Variants in STIM1 observed in about 807,000 individuals in gnomAD.
STIM1 encodes the protein stromal interaction molecule 1.
In STIM1, 25 loss-of-function variants were observed where a neutral mutation model predicts 74.7. That is an observed-to-expected ratio of 0.33 (90% CI 0.24 to 0.47). The LOEUF (loss-of-function observed/expected upper bound fraction) is 0.47, where lower values mean the gene tolerates loss of function less well. Ranked by LOEUF, STIM1 falls within the 20% of genes least tolerant of loss-of-function variation. STIM1 has a pLI of 1.00. For synonymous variants in STIM1, 328 were observed against 348.8 expected (o/e 0.94, Z 0.66); for missense variants, 728 against 920.8 (o/e 0.79, Z 2.71).
chr11:3,943,487 T>C (rs1286812454), intron 1 of STIM1, among the ~76,000 whole-genome samples: 1 of 152,222 alleles, frequency 6.6e-6, no homozygotes, highest in East Asian at 1.9e-4. Flanking sequence ...CAATAAAGAC[T>C]GTAAGCTGGT....
At chr11:4,013,201 CT>C (rs2093856936) in intron 2 of STIM1, among the ~76,000 whole-genome samples, 1 of 152,208 alleles carries the variant, frequency 6.6e-6, no homozygotes, top group Non-Finnish European at 1.5e-5. Flanking sequence ...TGTTGTGTCT[CT>C]GCCAGGCTTT....
chr11:3,874,552 C>T (rs2091248313), intron 1 of STIM1, among the ~76,000 whole-genome samples: 1 of 152,218 alleles, frequency 6.6e-6, no homozygotes, highest in African/African-American at 2.4e-5. Context: ...AGGTTACTTT[C>T]CTAAGGTAGC....
intron 1 of STIM1, among the ~76,000 whole-genome samples, chr11:3,900,918 C>T (rs1295334734): frequency 6.6e-6 from 1 of 152,142 alleles, no homozygotes; most frequent in Non-Finnish European, 1.5e-5. Context: ...TGGCTAGGCA[C>T]GGTGGCTCAC....
chr11:3,897,783 C>A (rs936192265), intron 1 of STIM1, among the ~76,000 whole-genome samples: 1 of 151,696 alleles, frequency 6.6e-6, no homozygotes, highest in African/African-American at 2.4e-5. Context: ...TTTGTTCTTG[C>A]GATAGTTTAC....
chr11:4,073,347 C>G (rs932937835), intron 6 of STIM1, among the ~76,000 whole-genome samples: 7 of 152,198 alleles, frequency 4.6e-5, no homozygotes, highest in African/African-American at 1.7e-4. Context: ...GCCCAAGTCT[C>G]TCTTTCTTTC....
chr11:3,932,493 T>C (rs2092878227), intron 1 of STIM1, among the ~76,000 whole-genome samples: 1 of 151,612 alleles, frequency 6.6e-6, no homozygotes, highest in Non-Finnish European at 1.5e-5. Context: ...AAGCCCCGTC[T>C]CTATTAAAAT....
chr11:3,998,355 C>A (rs2093681328), intron 2 of STIM1, among the ~76,000 whole-genome samples: 1 of 152,310 alleles, frequency 6.6e-6, no homozygotes. Flanking sequence ...TCTCTGGCTC[C>A]TGGCTAAATA....
chr11:4,055,619 G>C lies in STIM1; in HGVS notation c.479G>C (p.Ser160Thr). 6.3e-7 allele frequency: 1 copy of C among 1,590,332 alleles called. No individual in the cohort carries two copies. ...GAGACCTTCCGGAAGCTGCAGCTCA[G>C]TGGCCATGCCATGCCAAGGTCAGGA... ...YEETFRKLQL[S>T]GHAMPRLAVT... Residue 160 changes from serine (S) to threonine (T), a missense_variant, in exon 4 of 13, where the codon AGT becomes ACT. Transcript: ENST00000526596.
At chr11:3,967,807 C>T in intron 2 of STIM1, 125 bp downstream of exon 2, 10 of 1,405,558 alleles carry the variant, frequency 7.1e-6, no homozygotes, top group Non-Finnish European at 9.9e-6. Context: ...AGGAACTCAT[C>T]CCTATCAGGG....
chr11:3,870,618 C>T (rs2091046368), intron 1 of STIM1, among the ~76,000 whole-genome samples: 1 of 151,970 alleles, frequency 6.6e-6, no homozygotes, highest in Non-Finnish European at 1.5e-5. Context: ...CATCTCGGCC[C>T]AACAAGTAGC....
chr11:3,923,689 G>A (rs2092749640), intron 1 of STIM1, among the ~76,000 whole-genome samples: 1 of 150,472 alleles, frequency 6.6e-6, no homozygotes, highest in Non-Finnish European at 1.5e-5. Context: ...TTGTGGGTCT[G>A]TTTCCACACT....
At chr11:4,056,689 C>T (rs150916435) in intron 4 of STIM1, among the ~76,000 whole-genome samples, 2 of 152,362 alleles carry the variant, frequency 1.3e-5, no homozygotes, top group African/African-American at 4.8e-5. Flanking sequence ...GTTCCCTCCT[C>T]TGCTGCCTGC....
intron 1 of STIM1, among the ~76,000 whole-genome samples, chr11:3,915,129 G>T (rs989975819): frequency 6.6e-6 from 1 of 151,960 alleles, no homozygotes; most frequent in African/African-American, 2.4e-5. Context: ...GTTGAGTTAT[G>T]AAAATTCCTT....
chr11:3,964,309 A>G (rs969516254), intron 1 of STIM1, among the ~76,000 whole-genome samples: 4 of 152,244 alleles, frequency 2.6e-5, no homozygotes, highest in African/African-American at 9.6e-5. Flanking sequence ...GGAAGAACAG[A>G]GAGACTGCTT....
intron 7 of STIM1, among the ~76,000 whole-genome samples, chr11:4,079,989 C>T (rs931759545): frequency 6.6e-6 from 1 of 152,028 alleles, no homozygotes; most frequent in African/African-American, 2.4e-5. Flanking sequence ...AGGCAAAGGG[C>T]AGGCAGATCG....
rs182001096 is a variant in STIM1, at chr11:4,060,999, C to A, written c.613+1603C>A. ...GTATACACCAACAAGGACACTTATA[C>A]CCAACTATAAAAGCTAGGCTACTTT... On this transcript the variant is annotated intron_variant, in intron 5 of 12. Transcript: ENST00000526596. Among the ~76,000 whole-genome samples the A allele has an allele frequency of 2.6e-5, 4 of 152,292 alleles. No individual in the cohort carries two copies. In the East Asian group the frequency reaches 7.7e-4, roughly 29 times the overall value.
intron 4 of STIM1, among the ~76,000 whole-genome samples, chr11:4,057,899 A>C (rs193180422): frequency 6.6e-6 from 1 of 151,984 alleles, no homozygotes; most frequent in Non-Finnish European, 1.5e-5. Context: ...AAGTGACACT[A>C]ATAATGGAAC....
chr11:3,879,108 G>A (rs954198254), intron 1 of STIM1, among the ~76,000 whole-genome samples: 4 of 151,752 alleles, frequency 2.6e-5, no homozygotes, highest in South Asian at 2.1e-4. Context: ...GGTGCACACC[G>A]CCACACCCAG....
At chr11:3,920,433 C>T (rs2092703864) in intron 1 of STIM1, among the ~76,000 whole-genome samples, 1 of 152,174 alleles carries the variant, frequency 6.6e-6, no homozygotes. Flanking sequence ...CTATTCTGAA[C>T]ATTTCATATA....
Sources: gnomAD v4.1 joint callset for allele counts (sites outside exome capture counted in the v4.1 genomes callset) on GRCh38, gnomAD v4.1.1 for gene constraint, MANE v1.5 for transcripts, NCBI Gene and HGNC (gene_info 2026-07-23, HGNC 2026-07-21) for gene names.